Variants in ZMYM2 observed in about 807,000 individuals in gnomAD.
ZMYM2 encodes zinc finger MYM-type protein 2.
In ZMYM2, 56 loss-of-function variants were observed where a neutral mutation model predicts 162.8. The observed-to-expected ratio is 0.34, with a 90% confidence interval of 0.28 to 0.43. The LOEUF (loss-of-function observed/expected upper bound fraction) is 0.43. Among genes scored for constraint, ZMYM2 ranks in the 20% least tolerant of loss-of-function variants. The probability of loss-of-function intolerance (pLI) is 1.00; values close to 1 mark genes in which losing one functional copy is unlikely to be tolerated. For missense variants in ZMYM2, 1,275 were observed against 1,621.8 expected (o/e 0.79, Z 3.67); for synonymous variants, 510 against 541.6 (o/e 0.94, Z 0.81).
chr13:19,903,814 A>T, the ZMYM2 span, among the ~76,000 whole-genome samples: 1 of 151,922 alleles, frequency 6.6e-6, no homozygotes, highest in East Asian at 1.9e-4. Context: ...ATGCCACTGC[A>T]CTTCAGCCTG....
intron 3 of ZMYM2, among the ~76,000 whole-genome samples, chr13:19,998,051 C>T (rs560031255): frequency 1.3e-5 from 2 of 152,094 alleles, no homozygotes; most frequent in South Asian, 2.1e-4. Context: ...TCTGTAAACT[C>T]GTCATCAGAA....
At chr13:20,062,995 G>T in intron 18 of ZMYM2, 24 bp downstream of exon 18, 1 of 1,582,854 alleles carries the variant, frequency 6.3e-7, no homozygotes, top group Non-Finnish European at 8.6e-7. Flanking sequence ...TTATGACTAT[G>T]GAATTTAGTT....
the ZMYM2 span, among the ~76,000 whole-genome samples, chr13:19,884,373 A>G: frequency 6.6e-6 from 1 of 151,686 alleles, no homozygotes; most frequent in Non-Finnish European, 1.5e-5. Context: ...CAGTAGATCG[A>G]GACGGCCCGG....
At chr13:19,884,243 G>T in the ZMYM2 span, among the ~76,000 whole-genome samples, 1 of 152,070 alleles carries the variant, frequency 6.6e-6, no homozygotes, top group Non-Finnish European at 1.5e-5. Context: ...GTAGGGTTGT[G>T]TCCAGTATTT....
Position 20,019,191 on chromosome 13 carries a change from C to G in ZMYM2, c.1513-356C>G, listed in dbSNP as rs144923809. Among the ~76,000 whole-genome samples the G allele has an allele frequency of 3.3e-4, 50 of 151,770 alleles. No homozygotes were observed. The East Asian group carries it at 3.9e-3, about 12-fold the overall frequency. On this transcript the variant is annotated intron_variant, in intron 6 of 24. Coordinates refer to ENST00000610343, the MANE Select transcript of ZMYM2 (RefSeq NM_197968.4). ...CCAAATGACTTAATTTAGAAAGCTT[C>G]GAGTTTCATTATAAGTGTTAACAGT...
the ZMYM2 span, among the ~76,000 whole-genome samples, chr13:19,866,046 AT>A: frequency 3.5e-3 from 516 of 148,836 alleles, 1 homozygote; most frequent in South Asian, 0.026. Context: ...AATACTTAAG[AT>A]TTTTTTTTTT....
chr13:19,959,458 T>C (rs1203748662), intron 1 of ZMYM2, among the ~76,000 whole-genome samples: 1 of 151,794 alleles, frequency 6.6e-6, no homozygotes. Flanking sequence ...GGGTCTCTAA[T>C]GGCGGACGGG....
chr13:19,928,853 C>G, the ZMYM2 span, among the ~76,000 whole-genome samples: 1 of 152,034 alleles, frequency 6.6e-6, no homozygotes, highest in East Asian at 1.9e-4. Context: ...CCATGTTGGC[C>G]AGGTTGGTGT....
At chr13:20,052,629 A>G (rs147106877) in intron 14 of ZMYM2, among the ~76,000 whole-genome samples, 4,047 of 152,322 alleles carry the variant, frequency 0.027, 80 homozygotes, top group Non-Finnish European at 0.038. Flanking sequence ...GACAATGGCA[A>G]TAGTATGTTT....
the ZMYM2 span, among the ~76,000 whole-genome samples, chr13:19,939,020 AT>A: frequency 0.11 from 13,891 of 124,146 alleles, 570 homozygotes; most frequent in African/African-American, 0.19. Flanking sequence ...CTTTGTTGTA[AT>A]TTTTTTTTTT....
At chr13:20,081,746 G>C (rs1189971649) in intron 21 of ZMYM2, among the ~76,000 whole-genome samples, 1 of 146,498 alleles carries the variant, frequency 6.8e-6, no homozygotes, top group Non-Finnish European at 1.5e-5. Flanking sequence ...TTTTTTTTCT[G>C]TCTGACAGAC....
the ZMYM2 span, among the ~76,000 whole-genome samples, chr13:19,890,993 A>G: frequency 6.6e-6 from 1 of 151,948 alleles, no homozygotes; most frequent in Non-Finnish European, 1.5e-5. Context: ...GCATTTTACT[A>G]CTTTGTAAAA....
chr13:20,067,765 T>G (rs1432917681), intron 21 of ZMYM2, among the ~76,000 whole-genome samples: 2 of 152,200 alleles, frequency 1.3e-5, no homozygotes, highest in African/African-American at 4.8e-5. Flanking sequence ...TAAAAAGAGA[T>G]CATTCTTTAG....
the ZMYM2 span, among the ~76,000 whole-genome samples, chr13:19,902,080 G>A: frequency 6.6e-6 from 1 of 152,112 alleles, no homozygotes; most frequent in African/African-American, 2.4e-5. Flanking sequence ...ATGAGTCCTG[G>A]CACTGGCCTG....
At chr13:19,946,010 C>A in the ZMYM2 span, among the ~76,000 whole-genome samples, 1 of 151,116 alleles carries the variant, frequency 6.6e-6, no homozygotes, top group Non-Finnish European at 1.5e-5. Context: ...AAATTAGTTC[C>A]CAAATTTTAG....
the ZMYM2 span, among the ~76,000 whole-genome samples, chr13:19,876,694 C>G: frequency 6.6e-6 from 1 of 152,090 alleles, no homozygotes; most frequent in Non-Finnish European, 1.5e-5. Flanking sequence ...GTGTACAGTT[C>G]GATGGTACTA....
At chr13:19,910,399 GACC>G in the ZMYM2 span, among the ~76,000 whole-genome samples, 2 of 152,144 alleles carry the variant, frequency 1.3e-5, no homozygotes, top group Non-Finnish European at 2.9e-5. Context: ...TGAAATGCCA[GACC>G]TATCTCGGTT....
chr13:20,059,487 T>G lies in ZMYM2; in HGVS notation c.2664T>G (p.Pro888=). ...CAGAATATGTTCCAGTGCCTATCCC[T>G]GTGCCTGTGTATATCCCAGTTCCTA... ...WRTEYVPVPI[P]VPVYIPVPMH... Residue 888 remains proline (P), a synonymous_variant, in exon 16 of 25, where the codon CCT becomes CCG. Coordinates refer to ENST00000610343, the MANE Select transcript of ZMYM2 (RefSeq NM_197968.4). The G allele has an allele frequency of 6.3e-7, 1 of 1,597,114 alleles. No individual in the cohort carries two copies. Among genetic ancestry groups the G allele is most frequent in the South Asian group, 1.1e-5 (1 of 90,662 alleles).
chr13:19,906,571 A>G, the ZMYM2 span, among the ~76,000 whole-genome samples: 1 of 150,588 alleles, frequency 6.6e-6, no homozygotes, highest in Non-Finnish European at 1.5e-5. Flanking sequence ...TTTCTTAGAC[A>G]GGGATTAAGA....
Sources: gnomAD v4.1 joint callset for allele counts (sites outside exome capture counted in the v4.1 genomes callset) on GRCh38, gnomAD v4.1.1 for gene constraint, MANE v1.5 for transcripts, NCBI Gene and HGNC (gene_info 2026-07-23, HGNC 2026-07-21) for gene names.